The following RBFOX1 variants were observed in gnomAD, a reference collection of about 807,000 sequenced individuals.
The protein encoded by RBFOX1 is RNA binding protein fox-1 homolog 1.
In RBFOX1, 8 loss-of-function variants were observed where a neutral mutation model predicts 57.7. The ratio of observed to expected loss-of-function variants is 0.14; its 90% CI spans 0.08 to 0.25. The LOEUF is 0.25. RBFOX1 is among the 10% of genes least tolerant of loss of function. The pLI is 1.00. For missense variants in RBFOX1, 611 were observed against 548.5 expected, an observed-to-expected ratio of 1.11 and a Z score of -1.14; for synonymous variants, 326 against 222.4, an observed-to-expected ratio of 1.47 and a Z score of -4.15.
At chr16:7,037,745 A>T (rs1030284230) in intron 3 of RBFOX1, among the ~76,000 whole-genome samples, 2 of 152,150 alleles carry the variant, frequency 1.3e-5, no homozygotes, top group Admixed American at 6.5e-5. Context: ...TCTGTAAGCT[A>T]ATAAGGAGTT....
intron 4 of RBFOX1, among the ~76,000 whole-genome samples, chr16:7,301,508 C>G (rs80209464): frequency 0.015 from 2,354 of 152,326 alleles, 51 homozygotes; most frequent in Middle Eastern, 0.065. Flanking sequence ...GATCTAATCA[C>G]TACTGAGGGG....
chr16:5,424,919 C>CTT (rs879819564), intron 1 of RBFOX1, among the ~76,000 whole-genome samples: 1,239 of 96,676 alleles, frequency 0.013, 51 homozygotes, highest in African/African-American at 0.034. Context: ...TTCTTTCTTT[C>CTT]TTTCTTTCTT....
At chr16:6,616,401 G>C (rs1482246896) in intron 2 of RBFOX1, among the ~76,000 whole-genome samples, 3 of 151,476 alleles carry the variant, frequency 2.0e-5, no homozygotes, top group Admixed American at 6.6e-5. Context: ...TTTTGGCCAG[G>C]CGTGATGGCT....
chr16:6,542,053 C>T (rs532003291), intron 2 of RBFOX1, among the ~76,000 whole-genome samples: 2 of 151,954 alleles, frequency 1.3e-5, no homozygotes, highest in African/African-American at 2.4e-5. Context: ...CTCAGCCTCC[C>T]GAGTAGCTGG....
At chr16:6,777,943 A>G (rs1368028504) in intron 3 of RBFOX1, among the ~76,000 whole-genome samples, 1 of 152,186 alleles carries the variant, frequency 6.6e-6, no homozygotes, top group Non-Finnish European at 1.5e-5. Flanking sequence ...ATTTCAGTGC[A>G]GGTGGTAATA....
At chr16:7,175,244 C>T (rs2081423177) in intron 4 of RBFOX1, among the ~76,000 whole-genome samples, 2 of 152,000 alleles carry the variant, frequency 1.3e-5, no homozygotes, top group Non-Finnish European at 2.9e-5. Context: ...GTTCCTCTCC[C>T]TGTGCCCATG....
intron 4 of RBFOX1, chr16:7,304,086 T>G (rs1295699937): frequency 2.9e-5 from 14 of 477,900 alleles, no homozygotes; most frequent in Non-Finnish European, 3.5e-5. Flanking sequence ...CCGCAAGTGT[T>G]TTAGTTGGAG....
intron 4 of RBFOX1, among the ~76,000 whole-genome samples, chr16:7,175,622 C>T (rs980031305): frequency 2.6e-5 from 4 of 152,154 alleles, no homozygotes; most frequent in Non-Finnish European, 4.4e-5. Flanking sequence ...GGTTTGGATC[C>T]ATTATCTCAC....
chr16:6,022,012 G>A (rs557143703), intron 1 of RBFOX1, among the ~76,000 whole-genome samples: 3 of 152,200 alleles, frequency 2.0e-5, no homozygotes, highest in South Asian at 2.1e-4. Flanking sequence ...ATACACACAC[G>A]TTTTCTTTTA....
At chr16:6,246,279 A>G (rs17139670) in intron 1 of RBFOX1, among the ~76,000 whole-genome samples, 4,477 of 152,164 alleles carry the variant, frequency 0.029, 215 homozygotes, top group African/African-American at 0.1. Flanking sequence ...GCCAATATCT[A>G]CTTGTTTCCA....
chr16:5,569,459 T>TG (rs1567240787), intron 2 of RBFOX1, among the ~76,000 whole-genome samples: 16 of 108,742 alleles, frequency 1.5e-4, no homozygotes, highest in African/African-American at 5.9e-4. Context: ...TTTTTTTTTT[T>TG]TTTTTTTTCT....
intron 3 of RBFOX1, among the ~76,000 whole-genome samples, chr16:6,781,949 C>T (rs562209677): frequency 3.3e-5 from 5 of 151,958 alleles, no homozygotes; most frequent in Non-Finnish European, 7.4e-5. Context: ...TTGGGTTTAG[C>T]CTGCTCTTAC....
chr16:5,874,147 A>G (rs139880265), intron 4 of RBFOX1, among the ~76,000 whole-genome samples: 5 of 152,336 alleles, frequency 3.3e-5, no homozygotes, highest in African/African-American at 9.6e-5. Context: ...CAGTCGTGCC[A>G]TCATTAGTGT....
At chr16:5,827,467 A>T (rs4277347) in intron 3 of RBFOX1, among the ~76,000 whole-genome samples, 2 of 151,602 alleles carry the variant, frequency 1.3e-5, no homozygotes, top group African/African-American at 4.9e-5. Flanking sequence ...ACTTCTACAC[A>T]GTAGTTGAAG....
chr16:7,480,461 A>G (rs917259223), intron 4 of RBFOX1, among the ~76,000 whole-genome samples: 3 of 152,200 alleles, frequency 2.0e-5, no homozygotes, highest in Non-Finnish European at 4.4e-5. Context: ...ACATTTGAGA[A>G]CAGTAAATGT....
intron 3 of RBFOX1, among the ~76,000 whole-genome samples, chr16:5,725,054 T>C (rs911206625): frequency 6.6e-6 from 1 of 152,094 alleles, no homozygotes; most frequent in Non-Finnish European, 1.5e-5. Context: ...CCTTGGGAGA[T>C]GCCAGTGGAT....
chr16:5,279,672 T>C (rs934098196), intron 1 of RBFOX1, among the ~76,000 whole-genome samples: 9 of 147,832 alleles, frequency 6.1e-5, no homozygotes, highest in Admixed American at 1.4e-4. Context: ...TGGCTAATTG[T>C]TGTATTTTTA....
intron 4 of RBFOX1, among the ~76,000 whole-genome samples, chr16:7,259,669 T>C (rs947758485): frequency 6.6e-6 from 1 of 152,212 alleles, no homozygotes; most frequent in Admixed American, 6.5e-5. Context: ...ATTTTATCAC[T>C]AACTTGAGAG....
chr16:6,342,872 T>C (rs1040063793), intron 2 of RBFOX1, among the ~76,000 whole-genome samples: 1 of 152,156 alleles, frequency 6.6e-6, no homozygotes, highest in African/African-American at 2.4e-5. Context: ...TTATCCTACA[T>C]TGATGGGGAC....
Sources: gnomAD v4.1 joint callset for allele counts (sites outside exome capture counted in the v4.1 genomes callset) on GRCh38, gnomAD v4.1.1 for gene constraint, MANE v1.5 for transcripts, NCBI Gene and HGNC (gene_info 2026-07-23, HGNC 2026-07-21) for gene names.